Variants in PCDHGA5 observed in about 807,000 individuals in gnomAD.
PCDHGA5 encodes protocadherin gamma-A5.
In PCDHGA5, 36 loss-of-function variants were observed where a neutral mutation model predicts 56.7. That is an observed-to-expected ratio of 0.64 (90% CI 0.49 to 0.84). PCDHGA5 has a LOEUF of 0.84. PCDHGA5 is among the 40% of genes least tolerant of loss of function. The pLI is 0.00. For synonymous variants in PCDHGA5, 563 were observed against 520.2 expected, an observed-to-expected ratio of 1.08 and a Z score of -1.12; for missense variants, 1,305 against 1,201.5, an observed-to-expected ratio of 1.09 and a Z score of -1.27.
In PCDHGA5 at chr5:141,366,312, C is replaced by T. The variant is rs889893498; in HGVS notation, c.1982C>T (p.Thr661Ile). 3.1e-6 allele frequency: 5 copies of T among 1,613,630 alleles called. No individual in the cohort carries two copies. The highest frequency in any genetic ancestry group is 3.3e-5 in the Admixed American group (2 of 60,012). The change falls in exon 1 of 4, where the codon ACC becomes ATC. Residue 661 changes from threonine to isoleucine, a missense_variant. Transcript: ENST00000518069. Reference sequence around the variant, plus strand: ...CCTCTGTCAGCCACCTTCACGGTCACCGTTGCCGTGGCCGACAGGATCCCT... The same window carrying T: ...CCTCTGTCAGCCACCTTCACGGTCATCGTTGCCGTGGCCGACAGGATCCCT... ...QPPLSATFTV[T>I]VAVADRIPDI...
chr5:141,385,549 C>T, intron 1 of PCDHGA5: 3 of 1,316,166 alleles, frequency 2.3e-6, no homozygotes, highest in East Asian at 2.9e-5. Context: ...TGGACTATCA[C>T]ATTTTATAAT....
At chr5:141,452,017 C>T (rs181614467) in intron 1 of PCDHGA5, among the ~76,000 whole-genome samples, 10 of 152,344 alleles carry the variant, frequency 6.6e-5, no homozygotes, top group Non-Finnish European at 1.2e-4. Flanking sequence ...CCAGCCCACA[C>T]TCTGGGGAGA....
chr5:141,455,006 G>A (rs1194194759), intron 1 of PCDHGA5, among the ~76,000 whole-genome samples: 2 of 150,910 alleles, frequency 1.3e-5, no homozygotes, highest in Non-Finnish European at 3.0e-5. Flanking sequence ...TAGAGACGGG[G>A]TTTCACCGTG....
intron 1 of PCDHGA5, among the ~76,000 whole-genome samples, chr5:141,442,926 T>C (rs2098353621): frequency 6.6e-6 from 1 of 152,240 alleles, no homozygotes; most frequent in African/African-American, 2.4e-5. Flanking sequence ...TGTTTCATTT[T>C]CTATTTAAGA....
chr5:141,479,328 G>A (rs568506786), intron 1 of PCDHGA5: 1 of 152,654 alleles, frequency 6.6e-6, no homozygotes, highest in East Asian at 1.9e-4. Flanking sequence ...CAGACTCAGT[G>A]GTGTGCACCT....
At chr5:141,469,415 A>C (rs2099200751) in intron 1 of PCDHGA5, among the ~76,000 whole-genome samples, 1 of 152,116 alleles carries the variant, frequency 6.6e-6, no homozygotes, top group Admixed American at 6.5e-5. Flanking sequence ...TTTCTACTAA[A>C]AATATAAAAC....
chr5:141,484,695 G>A (rs1371166304), intron 1 of PCDHGA5, among the ~76,000 whole-genome samples: 3 of 151,920 alleles, frequency 2.0e-5, no homozygotes, highest in Non-Finnish European at 4.4e-5. Context: ...TCAGGCTGTG[G>A]CTGTTTTCCC....
chr5:141,468,348 A>C (rs962230735), intron 1 of PCDHGA5: 2 of 150,318 alleles, frequency 1.3e-5, no homozygotes, highest in African/African-American at 4.9e-5. Context: ...AAAAAAAAAA[A>C]AGAAAGAAAA....
chr5:141,415,101 C>T, intron 1 of PCDHGA5: 1 of 1,613,550 alleles, frequency 6.2e-7, no homozygotes, highest in South Asian at 1.1e-5. Context: ...GAGACGCGCT[C>T]AAGCAAAGCC....
rs978480877 is a variant in PCDHGA5, at chr5:141,417,841, G to A, written c.2421+51090G>A. ...CTCCAACTGGAAAAGCGGGGACCCAGCGAGAACCCGAGCGAACGATGGGAG... is the reference window on the plus strand; with the variant it reads ...CTCCAACTGGAAAAGCGGGGACCCAACGAGAACCCGAGCGAACGATGGGAG... On this transcript the variant is annotated intron_variant, in intron 1 of 3. Coordinates refer to ENST00000518069, the MANE Select transcript of PCDHGA5 (RefSeq NM_018918.3). 1.4e-5 allele frequency: 21 copies of A among 1,537,848 alleles called. No homozygotes were observed. In the African/African-American group the frequency reaches 2.6e-4, roughly 19 times the overall value.
intron 1 of PCDHGA5, chr5:141,399,478 G>T (rs367753385): frequency 2.0e-5 from 32 of 1,613,894 alleles, no homozygotes; most frequent in Non-Finnish European, 2.6e-5. Context: ...TTTCCACCAG[G>T]CGTCCTACTT....
chr5:141,427,099 A>G (rs989437547), intron 1 of PCDHGA5: 3 of 457,936 alleles, frequency 6.6e-6, no homozygotes, highest in African/African-American at 6.0e-5. Context: ...GAGGGTGTCA[A>G]TGCGGAGATC....
intron 1 of PCDHGA5, chr5:141,424,126 G>C: frequency 9.3e-6 from 5 of 538,222 alleles, no homozygotes; most frequent in Non-Finnish European, 1.2e-5. Flanking sequence ...TGATCCTGTT[G>C]ATTTAATAGC....
chr5:141,499,689 C>CTTTTTTTT (rs545067566), intron 2 of PCDHGA5, among the ~76,000 whole-genome samples: 2 of 119,854 alleles, frequency 1.7e-5, no homozygotes, highest in Non-Finnish European at 1.7e-5. Context: ...TAACAGATGA[C>CTTTTTTTT]TTTTTTTTTT....
At chr5:141,423,091 G>C (rs1243671863) in intron 1 of PCDHGA5, 11 of 1,613,908 alleles carry the variant, frequency 6.8e-6, no homozygotes, top group South Asian at 2.2e-5. Context: ...CGCGGTGGGG[G>C]AGCACACGGG....
At chr5:141,377,663 A>C (rs1774232971) in intron 1 of PCDHGA5, 1 of 152,130 alleles carries the variant, frequency 6.6e-6, no homozygotes, top group African/African-American at 2.4e-5. Context: ...TAAACGACAG[A>C]CGTTCATACA....
At chr5:141,409,219 T>A in intron 1 of PCDHGA5, 1 of 1,614,022 alleles carries the variant, frequency 6.2e-7, no homozygotes, top group Non-Finnish European at 8.5e-7. Context: ...AAATCCTTGA[T>A]GAAAACGACA....
rs762687404 is a variant in PCDHGA5 at position 141,486,468 on chromosome 5, A to G, written c.2422-8339A>G. Reference sequence around the variant, plus strand: ...ATGGTCACTGCTTCTGATGCTGGGAACCCTCCTCTCAGTACCCACAGAACT... The same window carrying G: ...ATGGTCACTGCTTCTGATGCTGGGAGCCCTCCTCTCAGTACCCACAGAACT... On this transcript the variant is annotated intron_variant, in intron 1 of 3. Transcript: ENST00000518069. This position sits in a 1 kb window ranked among gnomAD's most constrained non-coding sequence, Gnocchi z 5.0. The G allele has an allele frequency of 1.2e-6, 2 of 1,612,906 alleles. No individual in the cohort carries two copies. Among genetic ancestry groups the G allele is most frequent in the Middle Eastern group, 1.6e-4 (1 of 6,062 alleles).
At chr5:141,376,432 G>C (rs1402207776) in intron 1 of PCDHGA5, 6 of 1,614,084 alleles carry the variant, frequency 3.7e-6, no homozygotes, top group African/African-American at 1.3e-5. Flanking sequence ...TCAACCAGGA[G>C]AGCTATGAGA....
Sources: allele counts gnomAD v4.1 joint callset (sites outside exome capture counted in the v4.1 genomes callset), GRCh38; gene constraint gnomAD v4.1.1; non-coding constraint Gnocchi (gnomAD v3.1); transcripts MANE v1.5; gene names NCBI Gene and HGNC (gene_info 2026-07-23, HGNC 2026-07-21).